Variants in OCM observed in about 807,000 individuals in gnomAD.
The protein encoded by OCM is oncomodulin, also known as oncomodulin-1.
A neutral mutation model predicts 14.1 loss-of-function variants in OCM; 18 were observed. The observed-to-expected ratio is 1.28, with a 90% CI of 0.88 to 1.89. The LOEUF is 1.89. Among genes scored for constraint, OCM ranks in the 40% most tolerant of loss-of-function variants. OCM has a pLI of 0.00. For synonymous variants in OCM, 48 were observed against 51.0 expected, an observed-to-expected ratio of 0.94 and a Z score of 0.25; for missense variants, 140 against 137.6, an observed-to-expected ratio of 1.02 and a Z score of -0.09.
intron 1 of OCM, among the ~76,000 whole-genome samples, chr7:5,882,011 C>T (rs868175855): frequency 2.2e-5 from 3 of 135,438 alleles, no homozygotes; most frequent in Non-Finnish European, 4.6e-5. Context: ...CAGTTGAACC[C>T]GGGAGGCAGA....
chr7:5,862,665 T>G, the OCM span, among the ~76,000 whole-genome samples: 3 of 152,188 alleles, frequency 2.0e-5, no homozygotes, highest in Non-Finnish European at 2.9e-5. Flanking sequence ...CATAAACTCT[T>G]TACTCCCTCT....
the OCM span, among the ~76,000 whole-genome samples, chr7:5,862,791 C>A: frequency 6.6e-6 from 1 of 152,150 alleles, no homozygotes; most frequent in Non-Finnish European, 1.5e-5. Context: ...CTACTGAGCT[C>A]AAGATGAATG....
chr7:5,884,502 A>T (rs2128607289), intron 3 of OCM, among the ~76,000 whole-genome samples: 1 of 152,242 alleles, frequency 6.6e-6, no homozygotes, highest in South Asian at 2.1e-4. Context: ...GAGAACAAAT[A>T]AGCCAACCTC....
chr7:5,867,939 T>C, the OCM span, among the ~76,000 whole-genome samples: 1 of 151,978 alleles, frequency 6.6e-6, no homozygotes, highest in South Asian at 2.1e-4. Flanking sequence ...GGTTCCACCA[T>C]GTTGTCCAGG....
chr7:5,877,784 C>T (rs1405181304), upstream of OCM, among the ~76,000 whole-genome samples: 1 of 120,986 alleles, frequency 8.3e-6, no homozygotes, highest in Non-Finnish European at 1.6e-5. Context: ...CATGCCTCTG[C>T]ACTCCAGCCT....
chr7:5,870,544 C>T, the OCM span, among the ~76,000 whole-genome samples: 1,165 of 152,266 alleles, frequency 7.7e-3, 14 homozygotes, highest in African/African-American at 0.027. Context: ...TACTCCAGGC[C>T]GTGTAGGAAA....
At chr7:5,865,821 T>C in the OCM span, among the ~76,000 whole-genome samples, 1 of 152,120 alleles carries the variant, frequency 6.6e-6, no homozygotes, top group African/African-American at 2.4e-5. Flanking sequence ...AATACATAGG[T>C]AACAACAATA....
chr7:5,874,063 A>AAT, the OCM span, among the ~76,000 whole-genome samples: 6 of 144,654 alleles, frequency 4.1e-5, no homozygotes, highest in Admixed American at 7.7e-5. Flanking sequence ...TAAAAATAAA[A>AAT]AAAAAAAAAA....
At chr7:5,878,906 C>T (rs553982341), upstream of OCM, among the ~76,000 whole-genome samples, 2 of 142,256 alleles carry the variant, frequency 1.4e-5, no homozygotes, top group South Asian at 2.2e-4. Context: ...AAAAGCCAGG[C>T]GCAGTGGTTC....
upstream of OCM, among the ~76,000 whole-genome samples, chr7:5,875,254 G>A (rs1331047599): frequency 6.6e-6 from 1 of 151,576 alleles, no homozygotes; most frequent in African/African-American, 2.4e-5. Flanking sequence ...ACAGCGTTTC[G>A]CCACGTTGGC....
At chr7:5,872,776 C>T in the OCM span, among the ~76,000 whole-genome samples, 1 of 152,108 alleles carries the variant, frequency 6.6e-6, no homozygotes, top group Non-Finnish European at 1.5e-5. Flanking sequence ...AAACCAGAGA[C>T]CTTTGTTCAC....
At position 5,885,922 on chromosome 7, in the gene OCM, T is replaced by G. The variant is rs1305004915; in HGVS notation, c.305-142T>G. The G allele has an allele frequency of 6.2e-6, 4 of 643,234 alleles. No homozygotes were observed. In the African/African-American group the frequency reaches 7.4e-5, roughly 12 times the overall value. 39.8% of individuals were successfully genotyped at this position (643,234 alleles called of 1,614,324 possible). A position where few individuals can be genotyped will look rare whatever the true frequency, so the allele number is the denominator to read the frequency against. The stretch of plus-strand genomic sequence containing the variant: ...CTGTGCCCGGCCAGTTTTTCTTTCT[T>G]TTGTGCCCTCCAAGGGGGCCATGCC... On this transcript the variant is annotated intron_variant, in intron 3 of 3. Transcript: ENST00000242104.
the OCM span, among the ~76,000 whole-genome samples, chr7:5,864,394 A>G: frequency 6.6e-6 from 1 of 151,042 alleles, no homozygotes; most frequent in Admixed American, 6.6e-5. Flanking sequence ...TCTAAAAAGC[A>G]GTGGCTTCCA....
At chr7:5,861,085 C>T in the OCM span, among the ~76,000 whole-genome samples, 10 of 151,938 alleles carry the variant, frequency 6.6e-5, no homozygotes, top group African/African-American at 2.4e-4. Context: ...ATAGTTGTTG[C>T]TGGTTTTTAG....
chr7:5,879,354 AAAGTC>A (rs796603085), upstream of OCM, among the ~76,000 whole-genome samples: 5 of 152,222 alleles, frequency 3.3e-5, no homozygotes, highest in African/African-American at 1.2e-4. Context: ...GGGAAACGTC[AAAGTC>A]AAGAGTTTTG....
upstream of OCM, among the ~76,000 whole-genome samples, chr7:5,877,681 G>A (rs886280799): frequency 8.6e-5 from 13 of 151,318 alleles, no homozygotes; most frequent in African/African-American, 2.7e-4. Flanking sequence ...TTACCCAGGT[G>A]TGGTAGCATG....
chr7:5,871,385 G>A, the OCM span, among the ~76,000 whole-genome samples: 1 of 151,754 alleles, frequency 6.6e-6, no homozygotes, highest in African/African-American at 2.4e-5. Flanking sequence ...AAGAGGTAGG[G>A]GTCTCACTCT....
chr7:5,881,257 G>A (rs190174265), intron 1 of OCM, among the ~76,000 whole-genome samples: 14 of 150,828 alleles, frequency 9.3e-5, no homozygotes, highest in African/African-American at 3.4e-4. Flanking sequence ...GGCAGAAGTT[G>A]CAGTGAGCTG....
the OCM span, among the ~76,000 whole-genome samples, chr7:5,866,938 C>A: frequency 6.6e-6 from 1 of 152,172 alleles, no homozygotes; most frequent in Non-Finnish European, 1.5e-5. Flanking sequence ...TTACAAAATA[C>A]ATTTAACGTA....
Sources: gnomAD v4.1 joint callset for allele counts (sites outside exome capture counted in the v4.1 genomes callset) on GRCh38, gnomAD v4.1.1 for gene constraint, MANE v1.5 for transcripts, NCBI Gene and HGNC (gene_info 2026-07-23, HGNC 2026-07-21) for gene names.